The following MAP3K15 variants were observed in gnomAD, a reference collection of about 807,000 sequenced individuals.
MAP3K15 encodes MAPK/ERK kinase kinase 15.
MAP3K15 carries 124 observed loss-of-function variants against 99.5 expected under a neutral mutation model. The ratio of observed to expected loss-of-function variants is 1.25; its 90% CI spans 1.08 to 1.45. MAP3K15 has a LOEUF of 1.45. MAP3K15 is among the 40% of genes most tolerant of loss of function. The pLI is 0.00. For synonymous variants in MAP3K15, 494 were observed against 439.6 expected, an observed-to-expected ratio of 1.12 and a Z score of -1.55; for missense variants, 1,242 against 1,079.7, an observed-to-expected ratio of 1.15 and a Z score of -2.11.
chrX:19,474,661 TAGACTTG>T (rs1400393751), intron 3 of MAP3K15, among the ~76,000 whole-genome samples: 8 of 109,663 alleles, frequency 7.3e-5, no homozygotes, highest in African/African-American at 2.7e-4. Flanking sequence ...ACCCTAGTAG[TAGACTTG>T]AGACTTGAGA....
intron 5 of MAP3K15, among the ~76,000 whole-genome samples, chrX:19,458,788 C>T (rs892895717): frequency 8.9e-6 from 1 of 112,114 alleles, no homozygotes; most frequent in Non-Finnish European, 1.9e-5. Flanking sequence ...CTGTTTTGGT[C>T]CAGGTCATAA....
intron 19 of MAP3K15, among the ~76,000 whole-genome samples, chrX:19,379,540 T>A (rs1446550130): frequency 3.9e-5 from 4 of 101,599 alleles, no homozygotes; most frequent in Admixed American, 1.1e-4. Flanking sequence ...CTCTGCCTCC[T>A]GGATTCAAGC....
chrX:19,415,107 T>G lies in MAP3K15; in HGVS notation c.1590A>C (p.Pro530=), dbSNP rs1004095678. 8.7e-7 allele frequency: 1 copy of G among 1,149,835 alleles called. No individual in the cohort carries two copies. Among genetic ancestry groups the G allele is most frequent in the African/African-American group, 1.8e-5 (1 of 56,030 alleles). 94.8% of individuals were successfully genotyped at this position (1,149,835 alleles called of 1,213,427 possible). A position where few individuals can be genotyped will look rare whatever the true frequency, so the allele number is the denominator to read the frequency against. The change falls in exon 10 of 29, where the codon CCA becomes CCC. Residue 530 remains proline (P), a splice_region_variant and synonymous_variant. Transcript: ENST00000338883. ...AAAAAATGGATTTAGCATATCTTAC[T>G]GGAAATCTGAGTCCATTAGTGACTT... is the stretch of plus-strand genomic sequence containing the variant. ...TNEVTNGLRF[P]VLVIEPTKVY... is the part of the protein sequence containing the mutation.
chrX:19,427,827 TA>T lies in MAP3K15; in HGVS notation c.1167-1485del, dbSNP rs771508171. On this transcript the variant is annotated intron_variant, in intron 7 of 28. Transcript: ENST00000338883. ...AAGTTATCATTGAAGTCAGTTAAAATATGGCATTATCAATTCTGAGGCATAA... is the reference window on the plus strand; with the variant it reads ...AAGTTATCATTGAAGTCAGTTAAAATTGGCATTATCAATTCTGAGGCATAA... Among the ~76,000 whole-genome samples the T allele has an allele frequency of 1.7e-4, 19 of 111,350 alleles. No homozygotes were observed. The East Asian group carries it at 4.5e-3, about 27-fold the overall frequency.
At chrX:19,479,618 A>G (rs1403639640) in intron 3 of MAP3K15, among the ~76,000 whole-genome samples, 1 of 112,356 alleles carries the variant, frequency 8.9e-6, no homozygotes, top group East Asian at 2.8e-4. Context: ...ATTAAAACAA[A>G]TGAAGCTACG....
chrX:19,372,717 A>G lies in MAP3K15; in HGVS notation c.3044T>C (p.Leu1015Pro), dbSNP rs1390454693. ...CTGCTCCTCCCAGAGGATTTTGTAC[A>G]GGATGGCACGGCGCTCACTGTCCTT... The part of the protein sequence containing the change: ...LRKDSERRAI[L>P]YKILWEEQNQ... The change falls in exon 22 of 29, where the codon CTG (leucine) becomes CCG (proline). Residue 1015 changes from leucine (L) to proline (P), a missense_variant. Coordinates refer to ENST00000338883, the MANE Select transcript of MAP3K15 (RefSeq NM_001001671.4). 2.5e-6 allele frequency: 3 copies of G among 1,211,646 alleles called. No homozygotes were observed. The highest frequency in any genetic ancestry group is 3.4e-6 in the Non-Finnish European group (3 of 895,394).
rs761246318 is a variant in MAP3K15 at position 19,393,760 on chromosome X, C to CTTTTTTTTTTTT, written c.2195-1299_2195-1288dup. Among the ~76,000 whole-genome samples the CTTTTTTTTTTTT allele has an allele frequency of 2.3e-4, 14 of 60,243 alleles. 1 individual carries two copies. The highest frequency in any genetic ancestry group is 1.0e-3 in the African/African-American group (13 of 13,013). 52.3% of individuals were successfully genotyped at this position (60,243 alleles called of 115,157 possible). ...TGAAAATCTAGCCCACTGCCTGGCT[C>CTTTTTTTTTTTT]TTTTTTTTTTTTTTTTTTTTTTTTT... On this transcript the variant is annotated intron_variant, in intron 16 of 28. Transcript: ENST00000338883.
chrX:19,474,335 C>T (rs1485031621), intron 3 of MAP3K15, among the ~76,000 whole-genome samples: 2 of 111,142 alleles, frequency 1.8e-5, no homozygotes. Context: ...AGCTCCATCC[C>T]ATCCTAAATG....
intron 25 of MAP3K15, among the ~76,000 whole-genome samples, chrX:19,363,721 C>T (rs2063314852): frequency 1.8e-5 from 2 of 108,385 alleles, no homozygotes; most frequent in South Asian, 8.0e-4. Flanking sequence ...GGCACAATCT[C>T]GGCTCACTGC....
intron 6 of MAP3K15, among the ~76,000 whole-genome samples, chrX:19,433,879 C>T (rs938988362): frequency 1.1e-4 from 12 of 111,263 alleles, no homozygotes; most frequent in Non-Finnish European, 2.1e-4. Flanking sequence ...CTGGAGATGA[C>T]TCAGATGTCC....
rs766291440 is a variant in MAP3K15, at chrX:19,375,639, TG to T, written c.2590-980del. Among the ~76,000 whole-genome samples, 63 of 112,392 alleles carry T rather than the reference TG, an allele frequency of 5.6e-4. 1 individual carries two copies. The highest frequency in any genetic ancestry group is 2.0e-3 in the African/African-American group (63 of 30,979). On this transcript the variant is annotated intron_variant, in intron 19 of 28. Transcript: ENST00000338883. Reference sequence around the variant, plus strand: ...CCAAGCCCACCCAACAATCCAGGCGTGGAAGCTGTTCTGTCCTCCAGACCCA... The same window carrying T: ...CCAAGCCCACCCAACAATCCAGGCGTGAAGCTGTTCTGTCCTCCAGACCCA...
At chrX:19,418,514 G>A (rs1421820353) in intron 9 of MAP3K15, among the ~76,000 whole-genome samples, 1 of 111,310 alleles carries the variant, frequency 9.0e-6, no homozygotes, top group Non-Finnish European at 1.9e-5. Flanking sequence ...AACGAACAAA[G>A]CCACCAAGAA....
intron 16 of MAP3K15, among the ~76,000 whole-genome samples, chrX:19,393,041 C>T (rs183449276): frequency 3.2e-3 from 350 of 110,933 alleles, no homozygotes; most frequent in African/African-American, 0.011. Context: ...CTGTCTTGAT[C>T]AACAACCACT....
chrX:19,362,300 C>T (rs1340373541), intron 26 of MAP3K15, among the ~76,000 whole-genome samples: 3 of 101,896 alleles, frequency 2.9e-5, no homozygotes, highest in Non-Finnish European at 3.9e-5. Context: ...GGCATGACCT[C>T]GGCTCACTGC....
chrX:19,409,210 CT>C (rs750988817), intron 12 of MAP3K15, among the ~76,000 whole-genome samples: 6 of 111,600 alleles, frequency 5.4e-5, no homozygotes, highest in African/African-American at 2.0e-4. Context: ...CTGAGGTAGC[CT>C]CAGAGTCAGA....
At chrX:19,488,218 T>TA (rs1446999641) in intron 2 of MAP3K15, among the ~76,000 whole-genome samples, 13 of 112,106 alleles carry the variant, frequency 1.2e-4, no homozygotes, top group Admixed American at 9.5e-4. Flanking sequence ...AAGCATTTTT[T>TA]AAAAAAATAC....
chrX:19,464,251 C>T lies in MAP3K15; in HGVS notation c.681G>A (p.Arg227=), dbSNP rs767838624. 2 of 1,199,932 alleles carry T rather than the reference C, an allele frequency of 1.7e-6. No individual in the cohort carries two copies. The highest frequency in any genetic ancestry group is 2.2e-6 in the Non-Finnish European group (2 of 895,055). ...GGATGTCCTTAAGGAGGCTAATGAA[C>T]CTGTCCACCAAAGGCATGCACAGCG... ...LGPLCMPLVD[R]FISLLKDIHV... is the part of the protein sequence containing the mutation. Residue 227 remains arginine (R), a synonymous_variant, in exon 4 of 29, where the codon AGG becomes AGA. Coordinates refer to ENST00000338883, the MANE Select transcript of MAP3K15 (RefSeq NM_001001671.4).
intron 3 of MAP3K15, among the ~76,000 whole-genome samples, chrX:19,471,213 G>A (rs2064205741): frequency 9.0e-6 from 1 of 110,767 alleles, no homozygotes; most frequent in Non-Finnish European, 1.9e-5. Flanking sequence ...AAGAAGAGGA[G>A]AGAAAGGAGC....
At chrX:19,381,180 G>A (rs1310430485) in intron 18 of MAP3K15, among the ~76,000 whole-genome samples, 1 of 112,115 alleles carries the variant, frequency 8.9e-6, no homozygotes, top group Non-Finnish European at 1.9e-5. Flanking sequence ...CCTCTGAGGA[G>A]TAAAATGCCA....
Sources: allele counts gnomAD v4.1 joint callset (sites outside exome capture counted in the v4.1 genomes callset), GRCh38; gene constraint gnomAD v4.1.1; transcripts MANE v1.5; gene names NCBI Gene and HGNC (gene_info 2026-07-23, HGNC 2026-07-21).